The following NEGR1 variants were observed in gnomAD, a reference collection of about 807,000 sequenced individuals.
NEGR1 encodes the protein neuronal growth regulator 1, also known as IgLON family member 4.
In NEGR1, 10 loss-of-function variants were observed where a neutral mutation model predicts 40.9. The ratio of observed to expected loss-of-function variants is 0.24; its 90% CI spans 0.15 to 0.42. The LOEUF is 0.42. NEGR1 is among the 10% of genes least tolerant of loss of function. The pLI is 1.00. For missense variants in NEGR1, 352 were observed against 438.9 expected (o/e 0.80, Z 1.77); for synonymous variants, 185 against 166.8 (o/e 1.11, Z -0.84).
chr1:71,614,606 C>A (rs368937765), intron 4 of NEGR1, among the ~76,000 whole-genome samples: 15 of 152,180 alleles, frequency 9.9e-5, no homozygotes, highest in Admixed American at 8.5e-4. Context: ...TGATATCTAA[C>A]TATTATTGAA....
intron 1 of NEGR1, among the ~76,000 whole-genome samples, chr1:72,171,923 C>G (rs1486112): frequency 0.044 from 6,716 of 152,136 alleles, 529 homozygotes; most frequent in African/African-American, 0.15. Flanking sequence ...GTTTGGGAAC[C>G]CAGTATTTTC....
At position 71,455,464 on chromosome 1, in the gene NEGR1, C is replaced by T. The variant is rs576144592; in HGVS notation, c.941-47894G>A. Among the ~76,000 whole-genome samples, 18 of 152,290 alleles carry T rather than the reference C, an allele frequency of 1.2e-4. No individual in the cohort carries two copies. In the South Asian group the frequency reaches 1.9e-3, roughly 16 times the overall value. On this transcript the variant is annotated intron_variant, in intron 6 of 6. Coordinates refer to ENST00000357731, the MANE Select transcript of NEGR1 (RefSeq NM_173808.3). ...TTGACTGGCCAGGCACAGTGGCTCA[C>T]GCCTGTAATCTCGGCACTTTGGGAG...
intron 4 of NEGR1, among the ~76,000 whole-genome samples, chr1:71,665,375 G>A (rs912067981): frequency 6.6e-6 from 1 of 152,102 alleles, no homozygotes; most frequent in African/African-American, 2.4e-5. Flanking sequence ...TGTTAAACAT[G>A]GGGAAATGGG....
At chr1:72,207,207 C>T (rs536441674) in intron 1 of NEGR1, among the ~76,000 whole-genome samples, 2 of 151,146 alleles carry the variant, frequency 1.3e-5, no homozygotes, top group African/African-American at 4.8e-5. Context: ...ACATGTTTAT[C>T]GTAAAGTAGA....
intron 1 of NEGR1, among the ~76,000 whole-genome samples, chr1:72,085,385 G>T (rs1648173036): frequency 6.6e-6 from 1 of 152,154 alleles, no homozygotes; most frequent in South Asian, 2.1e-4. Context: ...CCTGGTATGT[G>T]AAAGAGTATT....
intron 1 of NEGR1, among the ~76,000 whole-genome samples, chr1:72,202,991 T>G (rs1472433746): frequency 3.3e-5 from 5 of 152,024 alleles, no homozygotes; most frequent in African/African-American, 1.2e-4. Flanking sequence ...GTTTTAAATA[T>G]TACTGCTCAA....
intron 3 of NEGR1, chr1:71,703,152 T>C (rs956993304): frequency 4.6e-5 from 7 of 151,958 alleles, no homozygotes; most frequent in African/African-American, 1.4e-4. Context: ...TAAAGAGACA[T>C]TGATCTTTGA....
chr1:71,460,424 C>A (rs969598226), intron 6 of NEGR1, among the ~76,000 whole-genome samples: 7 of 152,190 alleles, frequency 4.6e-5, no homozygotes, highest in African/African-American at 1.4e-4. Flanking sequence ...TCCCATCTTA[C>A]ATTTTGTACC....
intron 6 of NEGR1, among the ~76,000 whole-genome samples, chr1:71,450,802 C>T (rs1489350587): frequency 2.0e-5 from 3 of 149,588 alleles, no homozygotes; most frequent in Non-Finnish European, 1.5e-5. Flanking sequence ...GAGCGAGACT[C>T]GGTCTCAGGG....
chr1:72,113,428 T>A (rs1649455240), intron 1 of NEGR1, among the ~76,000 whole-genome samples: 1 of 140,900 alleles, frequency 7.1e-6, no homozygotes, highest in Non-Finnish European at 1.6e-5. Flanking sequence ...GTGAGTAAGC[T>A]TTTATACAAA....
chr1:71,810,517 T>G (rs1165730171), intron 2 of NEGR1, among the ~76,000 whole-genome samples: 1 of 152,176 alleles, frequency 6.6e-6, no homozygotes, highest in East Asian at 1.9e-4. Context: ...AGCTTTTTAA[T>G]GAGTTTACTG....
chr1:72,087,798 G>A (rs947661730), intron 1 of NEGR1, among the ~76,000 whole-genome samples: 7 of 118,562 alleles, frequency 5.9e-5, no homozygotes, highest in African/African-American at 1.6e-4. Context: ...CTCTCACTAT[G>A]TTGCCCAGGC....
rs148025761 is a variant in NEGR1 at position 71,808,462 on chromosome 1, A to G, written c.410-32165T>C. On this transcript the variant is annotated intron_variant, in intron 2 of 6. Coordinates refer to ENST00000357731, the MANE Select transcript of NEGR1 (RefSeq NM_173808.3). ...ATTATGCCAGGTAAATATTTTCCCT[A>G]TTTTACAGATGAAGTAAGCCTGAGA... Among the ~76,000 whole-genome samples, 212 of 152,228 alleles carry G rather than the reference A, an allele frequency of 1.4e-3. 2 individuals are homozygous for G. In the East Asian group the frequency reaches 0.017, roughly 12 times the overall value.
intron 1 of NEGR1, among the ~76,000 whole-genome samples, chr1:72,247,333 G>T (rs1445314198): frequency 6.6e-6 from 1 of 152,130 alleles, no homozygotes; most frequent in East Asian, 1.9e-4. Context: ...AAACGTTTAT[G>T]CTTTGCTTTC....
At chr1:71,462,153 T>G (rs1013495961) in intron 6 of NEGR1, among the ~76,000 whole-genome samples, 1 of 152,180 alleles carries the variant, frequency 6.6e-6, no homozygotes, top group Admixed American at 6.6e-5. Flanking sequence ...AATCCTCTTA[T>G]AAGTAAAATC....
intron 2 of NEGR1, among the ~76,000 whole-genome samples, chr1:71,918,455 T>C (rs1173733722): frequency 2.6e-5 from 4 of 151,930 alleles, no homozygotes; most frequent in African/African-American, 9.7e-5. Flanking sequence ...GAGCCTTCAA[T>C]GGTTTCTGCT....
intron 1 of NEGR1, among the ~76,000 whole-genome samples, chr1:71,996,070 C>T (rs990506666): frequency 6.6e-6 from 1 of 152,096 alleles, no homozygotes; most frequent in East Asian, 1.9e-4. Flanking sequence ...GTACACACCA[C>T]ATTGGAAACT....
At chr1:72,265,218 C>T (rs1421538405) in intron 1 of NEGR1, among the ~76,000 whole-genome samples, 1 of 150,842 alleles carries the variant, frequency 6.6e-6, no homozygotes, top group East Asian at 1.9e-4. Flanking sequence ...GCCTGTTTAA[C>T]CACCAACCTA....
In NEGR1 at chr1:71,919,201, T is replaced by C. The variant is rs76347144; in HGVS notation, c.409+15878A>G. 1.0e-3 allele frequency among the ~76,000 whole-genome samples: 152 copies of C among 152,290 alleles called. 3 individuals are homozygous for C. The East Asian group carries it at 0.026, about 26-fold the overall frequency. ...TCTTTCTCAAGTGTTTACATCATAA[T>C]TGTGTTTTACTCAAACAAAATATCT... On this transcript the variant is annotated intron_variant, in intron 2 of 6. Transcript: ENST00000357731.
Sources: gnomAD v4.1 joint callset for allele counts (sites outside exome capture counted in the v4.1 genomes callset) on GRCh38, gnomAD v4.1.1 for gene constraint, MANE v1.5 for transcripts, NCBI Gene and HGNC (gene_info 2026-07-23, HGNC 2026-07-21) for gene names.